PARD3: variants seen among roughly 807,000 people sequenced by gnomAD.
PARD3 encodes the protein partitioning defective 3 homolog.
In PARD3, 75 loss-of-function variants were observed where a neutral mutation model predicts 155.4. The ratio of observed to expected loss-of-function variants is 0.48; its 90% CI spans 0.40 to 0.58. The LOEUF is 0.58. Among genes scored for constraint, PARD3 ranks in the 20% least tolerant of loss-of-function variants. The probability of loss-of-function intolerance (pLI) is 0.00; values close to 1 mark genes in which losing one functional copy is unlikely to be tolerated. For synonymous variants in PARD3, 576 were observed against 610.5 expected (o/e 0.94, Z 0.83); for missense variants, 1,642 against 1,721.7 (o/e 0.95, Z 0.82).
chr10:34,383,236 A>G (rs1007647421), intron 8 of PARD3, among the ~76,000 whole-genome samples: 1 of 152,232 alleles, frequency 6.6e-6, no homozygotes, highest in African/African-American at 2.4e-5. Flanking sequence ...TTTCAATAAT[A>G]GAAACCAAAT....
At chr10:34,527,497 G>A (rs568178150) in intron 2 of PARD3, among the ~76,000 whole-genome samples, 66 of 152,222 alleles carry the variant, frequency 4.3e-4, no homozygotes, top group African/African-American at 1.4e-3. Context: ...GCTGGAGTGG[G>A]GAGGGTAGAT....
At chr10:34,373,950 G>A (rs964914207) in intron 11 of PARD3, among the ~76,000 whole-genome samples, 17 of 152,068 alleles carry the variant, frequency 1.1e-4, no homozygotes, top group Non-Finnish European at 2.1e-4. Context: ...TGGAAACCTC[G>A]TTTCTAAAAC....
intron 16 of PARD3, among the ~76,000 whole-genome samples, chr10:34,340,912 C>A (rs1384191761): frequency 2.0e-5 from 3 of 152,062 alleles, no homozygotes; most frequent in Non-Finnish European, 4.4e-5. Context: ...AATTCTGGTA[C>A]AATACTTCAC....
chr10:34,120,004 ATTTTTTTTT>A (rs1185067110), intron 23 of PARD3, among the ~76,000 whole-genome samples: 818 of 73,832 alleles, frequency 0.011, 22 homozygotes, highest in African/African-American at 0.044. Flanking sequence ...GTCTTCTTTA[ATTTTTTTTT>A]TTTTTTTTTT....
At chr10:34,388,698 A>G (rs1403833217) in intron 7 of PARD3, among the ~76,000 whole-genome samples, 1 of 152,220 alleles carries the variant, frequency 6.6e-6, no homozygotes, top group Non-Finnish European at 1.5e-5. Context: ...GTGTGCTGGT[A>G]GAGAGAACAG....
chr10:34,382,003 A>G (rs1841913258), intron 9 of PARD3, among the ~76,000 whole-genome samples: 1 of 151,952 alleles, frequency 6.6e-6, no homozygotes. Flanking sequence ...ATGCAATAAT[A>G]CAAGAAAACA....
chr10:34,353,118 C>T (rs970945220), intron 14 of PARD3, among the ~76,000 whole-genome samples: 9 of 152,084 alleles, frequency 5.9e-5, no homozygotes, highest in Non-Finnish European at 7.4e-5. Context: ...GCAGCCGCCC[C>T]GTCTGGGAAG....
intron 3 of PARD3, among the ~76,000 whole-genome samples, chr10:34,480,914 G>T (rs1452587121): frequency 1.3e-5 from 2 of 149,086 alleles, no homozygotes; most frequent in East Asian, 4.0e-4. Context: ...CTCTTCTCCT[G>T]CCTCATCCTC....
intron 1 of PARD3, among the ~76,000 whole-genome samples, chr10:34,702,901 T>C (rs975634683): frequency 1.3e-5 from 2 of 151,794 alleles, no homozygotes; most frequent in African/African-American, 4.8e-5. Flanking sequence ...ACAAAACAAA[T>C]AGTAAACACA....
chr10:34,351,698 G>T (rs866269622), intron 14 of PARD3, among the ~76,000 whole-genome samples: 1 of 152,240 alleles, frequency 6.6e-6, no homozygotes, highest in African/African-American at 2.4e-5. Flanking sequence ...GATTACATCA[G>T]ATTCGAAAGC....
chr10:34,276,969 A>AT (rs550542710), intron 21 of PARD3, among the ~76,000 whole-genome samples: 97 of 152,316 alleles, frequency 6.4e-4, no homozygotes, highest in African/African-American at 2.2e-3. Flanking sequence ...AATGTTTTTA[A>AT]TAAATTTCAG....
intron 3 of PARD3, among the ~76,000 whole-genome samples, chr10:34,480,776 A>T (rs1589724718): frequency 6.8e-6 from 1 of 146,938 alleles, no homozygotes. Flanking sequence ...ACAGGGGTAC[A>T]TCTGCAGGTT....
At chr10:34,764,475 T>C (rs1837835662) in intron 1 of PARD3, among the ~76,000 whole-genome samples, 1 of 152,182 alleles carries the variant, frequency 6.6e-6, no homozygotes, top group South Asian at 2.1e-4. Flanking sequence ...AAAAATGATA[T>C]ATTTTGGGGG....
intron 2 of PARD3, among the ~76,000 whole-genome samples, chr10:34,637,600 C>G (rs1005571808): frequency 1.3e-5 from 2 of 152,198 alleles, no homozygotes; most frequent in African/African-American, 4.8e-5. Context: ...AAATGCCCCC[C>G]ACACCTGCCA....
intron 2 of PARD3, among the ~76,000 whole-genome samples, chr10:34,529,137 CA>C (rs888862317): frequency 2.6e-5 from 4 of 152,068 alleles, no homozygotes; most frequent in African/African-American, 9.7e-5. Context: ...GTCCATGGTA[CA>C]AAAAAGAGTT....
intron 2 of PARD3, among the ~76,000 whole-genome samples, chr10:34,645,544 C>A (rs750379848): frequency 6.4e-4 from 97 of 152,296 alleles, no homozygotes; most frequent in Non-Finnish European, 9.7e-4. Flanking sequence ...AAAGCCTCTA[C>A]ATTATGCTAA....
At chr10:34,751,029 T>C (rs995670210) in intron 1 of PARD3, among the ~76,000 whole-genome samples, 1 of 152,096 alleles carries the variant, frequency 6.6e-6, no homozygotes, top group Admixed American at 6.5e-5. Context: ...TTACACTGTA[T>C]ATTAGGAGTG....
At chr10:34,453,752 G>A (rs1482713268) in intron 4 of PARD3, among the ~76,000 whole-genome samples, 1 of 152,152 alleles carries the variant, frequency 6.6e-6, no homozygotes, top group Non-Finnish European at 1.5e-5. Flanking sequence ...ATTTCCAAAT[G>A]CATAGAAAAA....
intron 22 of PARD3, among the ~76,000 whole-genome samples, chr10:34,155,295 C>T (rs1416708302): frequency 6.6e-6 from 1 of 152,172 alleles, no homozygotes; most frequent in Non-Finnish European, 1.5e-5. Context: ...TCGAACACAT[C>T]TATGCAGCCT....
Sources: gnomAD v4.1 joint callset for allele counts (sites outside exome capture counted in the v4.1 genomes callset) on GRCh38, gnomAD v4.1.1 for gene constraint, MANE v1.5 for transcripts, NCBI Gene and HGNC (gene_info 2026-07-23, HGNC 2026-07-21) for gene names.